Variants in PDE8A observed in about 807,000 individuals in gnomAD.
PDE8A encodes phosphodiesterase 8A.
PDE8A carries 59 observed loss-of-function variants against 105.0 expected under a neutral mutation model. That is an observed-to-expected ratio of 0.56 (90% CI 0.46 to 0.70). The LOEUF is 0.70. PDE8A is among the 30% of genes least tolerant of loss of function. PDE8A has a pLI of 0.00. For synonymous variants in PDE8A, 355 were observed against 371.9 expected, an observed-to-expected ratio of 0.95 and a Z score of 0.52; for missense variants, 1,014 against 1,045.9, an observed-to-expected ratio of 0.97 and a Z score of 0.42.
At chr15:84,987,653 A>G (rs372835863) in intron 1 of PDE8A, among the ~76,000 whole-genome samples, 1 of 149,764 alleles carries the variant, frequency 6.7e-6, no homozygotes, top group African/African-American at 2.5e-5. Flanking sequence ...TTTTTTGTAT[A>G]TTTAGTAGAG....
intron 1 of PDE8A, among the ~76,000 whole-genome samples, chr15:84,991,939 G>A (rs766728328): frequency 6.6e-6 from 1 of 152,158 alleles, no homozygotes; most frequent in Non-Finnish European, 1.5e-5. Flanking sequence ...CTTGAGGCCA[G>A]GAGTTTGAGA....
intron 1 of PDE8A, among the ~76,000 whole-genome samples, chr15:85,021,173 T>C (rs539559781): frequency 4.8e-4 from 73 of 152,292 alleles, no homozygotes; most frequent in Non-Finnish European, 8.7e-4. Flanking sequence ...GTGCCATCTA[T>C]GAAGAGTAGG....
chr15:85,064,842 T>C (rs2081197284), intron 2 of PDE8A, among the ~76,000 whole-genome samples: 1 of 151,878 alleles, frequency 6.6e-6, no homozygotes, highest in Admixed American at 6.6e-5. Flanking sequence ...TGGGGGTGTG[T>C]GTGCCTGTGG....
At chr15:85,055,835 A>T (rs1389382342) in intron 1 of PDE8A, among the ~76,000 whole-genome samples, 1 of 152,160 alleles carries the variant, frequency 6.6e-6, no homozygotes, top group Non-Finnish European at 1.5e-5. Context: ...TTATGTGTGA[A>T]TTTGATCCTG....
chr15:85,064,370 G>A lies in PDE8A; in HGVS notation c.187G>A (p.Val63Ile). The change falls in exon 2 of 22, where the codon GTA (valine) becomes ATA (isoleucine). Residue 63 changes from valine to isoleucine, a missense_variant and splice_region_variant. By Grantham distance (29) the Val-to-Ile change is conservative (BLOSUM62 3). Coordinates refer to ENST00000394553, the MANE Select transcript of PDE8A (RefSeq NM_002605.3). ...SELRDGSGKKVAVADVQFGPM... is the reference protein window; with the variant it reads ...SELRDGSGKKIAVADVQFGPM... ...TTTTAAGCCAATCTCTTTCTTACAG[G>A]TAGCAGTAGCTGATGTGCAGTTTGG... The A allele has an allele frequency of 1.9e-6, 3 of 1,604,180 alleles. No homozygotes were observed. Among genetic ancestry groups the A allele is most frequent in the South Asian group, 1.1e-5 (1 of 90,448 alleles).
intron 6 of PDE8A, among the ~76,000 whole-genome samples, chr15:85,084,919 T>A (rs115129301): frequency 0.088 from 13,394 of 152,142 alleles, 1,617 homozygotes; most frequent in African/African-American, 0.28. Flanking sequence ...TCTTACTAAT[T>A]TTTGGAATCT....
intron 6 of PDE8A, 72 bp from the exon 7 acceptor site, chr15:85,089,266 A>G: frequency 2.5e-6 from 2 of 802,444 alleles, no homozygotes; most frequent in Non-Finnish European, 4.1e-6. Flanking sequence ...ATACATTTAA[A>G]TAATGTAATA....
chr15:85,124,470 A>G (rs2082229177), intron 19 of PDE8A, among the ~76,000 whole-genome samples: 1 of 152,132 alleles, frequency 6.6e-6, no homozygotes, highest in African/African-American at 2.4e-5. Flanking sequence ...CCATCCTGAG[A>G]TATTTGCCAC....
chr15:85,130,212 A>T (rs560644537), intron 20 of PDE8A, among the ~76,000 whole-genome samples: 44 of 152,262 alleles, frequency 2.9e-4, no homozygotes, highest in Admixed American at 2.7e-3. Flanking sequence ...TACCATGGGG[A>T]GGCCACTAAG....
intron 1 of PDE8A, among the ~76,000 whole-genome samples, chr15:85,033,204 A>G (rs1344424989): frequency 6.6e-6 from 1 of 152,196 alleles, no homozygotes; most frequent in Non-Finnish European, 1.5e-5. Context: ...ACATTTTCCA[A>G]CGTAAGGGAC....
rs1015019097 is a variant in PDE8A, at chr15:84,981,911, A to G, written c.-252A>G. The G allele has an allele frequency of 5.3e-5, 13 of 243,462 alleles. No homozygotes were observed. The highest frequency in any genetic ancestry group is 2.8e-4 in the Admixed American group (5 of 17,886). The allele number at this position is 243,462 out of a possible 1,614,324, so 15.1% of individuals were successfully genotyped here. ...GCGGCCGTCGGCTCCTGCCTCAGGA[A>G]GGGCATGTTCGGAGGGGCGGCCTCG... On this transcript the variant is annotated 5_prime_UTR_variant, in exon 1 of 22. Coordinates refer to ENST00000394553, the MANE Select transcript of PDE8A (RefSeq NM_002605.3).
chr15:85,061,519 C>T (rs1041713747), intron 1 of PDE8A, among the ~76,000 whole-genome samples: 36 of 152,216 alleles, frequency 2.4e-4, no homozygotes, highest in Non-Finnish European at 4.3e-4. Context: ...GGATTACAGG[C>T]GTGAGCCACC....
intron 20 of PDE8A, among the ~76,000 whole-genome samples, chr15:85,129,203 G>C (rs762808498): frequency 2.0e-5 from 3 of 152,148 alleles, no homozygotes; most frequent in Non-Finnish European, 4.4e-5. Context: ...GGGGATATTG[G>C]CCTGCAATTT....
At chr15:85,088,164 C>T (rs140072485) in intron 6 of PDE8A, among the ~76,000 whole-genome samples, 79 of 152,286 alleles carry the variant, frequency 5.2e-4, no homozygotes, top group Admixed American at 1.9e-3. Flanking sequence ...GGATTACAGG[C>T]GCCTGCCACC....
At chr15:84,982,577 G>C (rs2079734604) in intron 1 of PDE8A, among the ~76,000 whole-genome samples, 1 of 152,090 alleles carries the variant, frequency 6.6e-6, no homozygotes, top group Non-Finnish European at 1.5e-5. Flanking sequence ...TTAGGACGCC[G>C]CCTGTGTCGC....
intron 1 of PDE8A, among the ~76,000 whole-genome samples, chr15:85,044,439 C>T (rs1196956057): frequency 6.6e-6 from 1 of 152,130 alleles, no homozygotes; most frequent in Non-Finnish European, 1.5e-5. Context: ...AACTTTGCCT[C>T]AAGAGTAGAC....
chr15:85,020,946 C>T (rs1248405418), intron 1 of PDE8A, among the ~76,000 whole-genome samples: 2 of 152,100 alleles, frequency 1.3e-5, no homozygotes, highest in Admixed American at 6.5e-5. Flanking sequence ...TTCATGTTGT[C>T]CCACTAATTT....
chr15:85,028,851 T>G (rs778408793), intron 1 of PDE8A, among the ~76,000 whole-genome samples: 1 of 152,164 alleles, frequency 6.6e-6, no homozygotes, highest in Non-Finnish European at 1.5e-5. Context: ...TTGAGAGCAT[T>G]AAGCACTGTG....
chr15:85,108,481 G>C (rs1382657291), intron 11 of PDE8A, among the ~76,000 whole-genome samples: 1 of 152,182 alleles, frequency 6.6e-6, no homozygotes, highest in Non-Finnish European at 1.5e-5. Context: ...TGGGGGTCAG[G>C]ATTAGAGAAG....
Sources: allele counts gnomAD v4.1 joint callset (sites outside exome capture counted in the v4.1 genomes callset), GRCh38; gene constraint gnomAD v4.1.1; transcripts MANE v1.5; gene names NCBI Gene and HGNC (gene_info 2026-07-23, HGNC 2026-07-21).